PWWP3B: variants seen among roughly 807,000 people sequenced by gnomAD.
PWWP3B encodes PWWP domain containing 3B.
PWWP3B carries 5 observed loss-of-function variants against 15.7 expected under a neutral mutation model. The observed-to-expected ratio is 0.32, with a 90% CI of 0.17 to 0.67. The LOEUF is 0.67. PWWP3B is among the 30% of genes least tolerant of loss of function. PWWP3B has a pLI of 0.74. For missense variants in PWWP3B, 519 were observed against 493.1 expected (o/e 1.05, Z -0.50); for synonymous variants, 203 against 179.8 (o/e 1.13, Z -1.03).
chrX:106,172,983 A>G (rs1024666446), intron 2 of PWWP3B, among the ~76,000 whole-genome samples: 1 of 112,111 alleles, frequency 8.9e-6, no homozygotes, highest in Non-Finnish European at 1.9e-5. Flanking sequence ...GTCGTCATAT[A>G]TGCAGTTTGT....
intron 1 of PWWP3B, among the ~76,000 whole-genome samples, chrX:106,170,365 G>A (rs1215947225): frequency 8.9e-6 from 1 of 111,811 alleles, no homozygotes; most frequent in Non-Finnish European, 1.9e-5. Flanking sequence ...GATGTAGAAA[G>A]ATATATACAA....
chrX:106,177,476 A>T (rs1921961138), intron 2 of PWWP3B: 1 of 112,748 alleles, frequency 8.9e-6, no homozygotes, highest in South Asian at 3.6e-4. Context: ...TGGGAATGGA[A>T]TGGTTTTGTT....
rs367956959 is a variant in PWWP3B at position 106,205,969 on chromosome X, A to T, written c.537A>T (p.Pro179=). The T allele has an allele frequency of 4.6e-5, 56 of 1,208,680 alleles. No individual in the cohort carries two copies. The African/African-American group carries it at 9.6e-4, about 21-fold the overall frequency. Residue 179 remains proline, a synonymous_variant, in exon 4 of 4, where the codon CCA becomes CCT. Transcript: ENST00000357175. ...SQAPTMVDTI[P]SEVETKSLQN... ...CACCCACAATGGTCGATACTATTCC[A>T]AGTGAAGTGGAAACAAAGTCATTAC...
At chrX:106,191,343 G>A (rs1460068405) in intron 2 of PWWP3B, among the ~76,000 whole-genome samples, 2 of 111,172 alleles carry the variant, frequency 1.8e-5, no homozygotes, top group Non-Finnish European at 3.8e-5. Flanking sequence ...TTGGCTCTCT[G>A]TCTGTTATTG....
chrX:106,170,603 G>T (rs1375062318), intron 1 of PWWP3B, among the ~76,000 whole-genome samples: 2 of 111,544 alleles, frequency 1.8e-5, no homozygotes, highest in Admixed American at 1.9e-4. Flanking sequence ...TTTTGTATTA[G>T]CCGACTATGA....
rs1196697220 is a variant in PWWP3B at position 106,208,261 on chromosome X, G to A, written c.*738G>A. 1 of 123,383 alleles carries A rather than the reference G, an allele frequency of 8.1e-6. No individual in the cohort carries two copies. The highest frequency in any genetic ancestry group is 2.8e-4 in the East Asian group (1 of 3,592). 10.2% of individuals were successfully genotyped at this position (123,383 alleles called of 1,213,427 possible). A position where few individuals can be genotyped will look rare whatever the true frequency, so the allele number is the denominator to read the frequency against. ...TTTTTGGGAGTGTCTATCCTTCAAT[G>A]GCTGAATAGTTCCTTAAATCAGACA... is the stretch of plus-strand genomic sequence containing the variant. On this transcript the variant is annotated 3_prime_UTR_variant, in exon 4 of 4. Coordinates refer to ENST00000357175, the MANE Select transcript of PWWP3B (RefSeq NM_001171020.2).
intron 2 of PWWP3B, among the ~76,000 whole-genome samples, chrX:106,176,918 G>T (rs1284748334): frequency 8.9e-6 from 1 of 112,561 alleles, no homozygotes; most frequent in Admixed American, 9.4e-5. Context: ...TTAATTCATT[G>T]CAGTACAAAT....
chrX:106,206,959 T>A lies in PWWP3B; in HGVS notation c.1527T>A (p.Thr509=). The change falls in exon 4 of 4, where the codon ACT becomes ACA. Residue 509 remains threonine (T), a synonymous_variant. Coordinates refer to ENST00000357175, the MANE Select transcript of PWWP3B (RefSeq NM_001171020.2). ...YPVRKETKQD[T]FRNKFPKLHN... is the part of the protein sequence containing the mutation. ...TTAGGAAAGAAACAAAACAGGATACTTTCAGGAACAAATTTCCAAAGCTGC... is the reference window on the plus strand; with the variant it reads ...TTAGGAAAGAAACAAAACAGGATACATTCAGGAACAAATTTCCAAAGCTGC... 1 of 1,211,385 alleles carries A rather than the reference T, an allele frequency of 8.3e-7. No individual in the cohort carries two copies. The highest frequency in any genetic ancestry group is 1.1e-6 in the Non-Finnish European group (1 of 895,327).
chrX:106,175,408 T>A (rs768994424), intron 2 of PWWP3B, among the ~76,000 whole-genome samples: 101 of 108,096 alleles, frequency 9.3e-4, no homozygotes, highest in African/African-American at 3.2e-3. Context: ...CCCCTGCTGA[T>A]TTTTTGTATT....
intron 2 of PWWP3B, among the ~76,000 whole-genome samples, chrX:106,178,254 G>A (rs1327251379): frequency 3.6e-5 from 4 of 111,885 alleles, no homozygotes; most frequent in Non-Finnish European, 5.6e-5. Flanking sequence ...AGTGAGAAAC[G>A]GATAGGATTT....
chrX:106,191,695 A>C (rs1208134563), intron 2 of PWWP3B, among the ~76,000 whole-genome samples: 1 of 111,093 alleles, frequency 9.0e-6, no homozygotes, highest in African/African-American at 3.3e-5. Flanking sequence ...AATAGCTCTT[A>C]TTATTTTGAG....
chrX:106,193,309 C>G (rs1178094595), intron 2 of PWWP3B, among the ~76,000 whole-genome samples: 1 of 111,185 alleles, frequency 9.0e-6, no homozygotes, highest in Non-Finnish European at 1.9e-5. Flanking sequence ...TTCTTTGTCT[C>G]TTTTGATCTT....
chrX:106,202,889 T>C (rs187201204), intron 2 of PWWP3B, among the ~76,000 whole-genome samples: 2 of 112,102 alleles, frequency 1.8e-5, no homozygotes, highest in Admixed American at 1.9e-4. Context: ...AACATATCTA[T>C]GAAAGTTTTA....
intron 2 of PWWP3B, among the ~76,000 whole-genome samples, chrX:106,177,515 T>C (rs1365654166): frequency 8.9e-6 from 1 of 112,847 alleles, no homozygotes; most frequent in Non-Finnish European, 1.9e-5. Flanking sequence ...ACGGAATTAA[T>C]CCTCTGAATT....
intron 2 of PWWP3B, among the ~76,000 whole-genome samples, chrX:106,185,067 A>G (rs1304152981): frequency 1.8e-5 from 2 of 111,938 alleles, no homozygotes; most frequent in Non-Finnish European, 3.8e-5. Flanking sequence ...AAGCTTGGGC[A>G]TAAGGTATTT....
chrX:106,201,047 C>CAA (rs536453025), intron 2 of PWWP3B, among the ~76,000 whole-genome samples: 1 of 82,295 alleles, frequency 1.2e-5, no homozygotes, highest in Non-Finnish European at 2.4e-5. Flanking sequence ...GACTCCGTCT[C>CAA]AAAAAAAAAA....
rs1487740670 is a variant in PWWP3B at position 106,201,054 on chromosome X, AAAAAT to A, written c.-400-2916_-400-2912del. Among the ~76,000 whole-genome samples, 511 of 110,657 alleles carry A rather than the reference AAAAAT, an allele frequency of 4.6e-3. 9 individuals are homozygous for A. Among genetic ancestry groups the A allele is most frequent in the African/African-American group, 0.016 (491 of 30,534 alleles). Reference sequence around the variant, plus strand: ...CAGAGTAAGACTCCGTCTCAAAAAAAAAAATAAAATAAAATAAAAAATAAAAATAA... The same window carrying A: ...CAGAGTAAGACTCCGTCTCAAAAAAAAAAATAAAATAAAAAATAAAAATAA... On this transcript the variant is annotated intron_variant, in intron 2 of 3. Transcript: ENST00000357175.
Position 106,207,377 on chromosome X carries a change from A to G in PWWP3B, c.1945A>G (p.Ile649Val). Reference sequence around the variant, plus strand: ...TCTGCCAGAAGCAATTATTTGTTCAATTTCTGCTGTTGATGGGTTAGATTA... The same window carrying G: ...TCTGCCAGAAGCAATTATTTGTTCAGTTTCTGCTGTTGATGGGTTAGATTA... ...VLLPEAIICSISAVDGLDYEA... is the reference protein window; with the variant it reads ...VLLPEAIICSVSAVDGLDYEA... Residue 649 changes from isoleucine (I) to valine (V), a missense_variant, in exon 4 of 4, where the codon ATT becomes GTT. Coordinates refer to ENST00000357175, the MANE Select transcript of PWWP3B (RefSeq NM_001171020.2). The G allele has an allele frequency of 8.5e-7, 1 of 1,177,391 alleles. No homozygotes were observed. The highest frequency in any genetic ancestry group is 1.1e-6 in the Non-Finnish European group (1 of 877,793).
At position 106,179,095 on chromosome X, in the gene PWWP3B, T is replaced by C. The variant is rs114893445; in HGVS notation, c.-401+7956T>C. 4.8e-3 allele frequency among the ~76,000 whole-genome samples: 536 copies of C among 112,110 alleles called. 5 individuals are homozygous for C. The highest frequency in any genetic ancestry group is 0.017 in the African/African-American group (513 of 30,858). Reference sequence around the variant, plus strand: ...ATATCCTAAATTTTCTCCAGACAACTATTTTTATGAAGTGAGCAAACAAAA... The same window carrying C: ...ATATCCTAAATTTTCTCCAGACAACCATTTTTATGAAGTGAGCAAACAAAA... On this transcript the variant is annotated intron_variant, in intron 2 of 3. Coordinates refer to ENST00000357175, the MANE Select transcript of PWWP3B (RefSeq NM_001171020.2).
Sources: gnomAD v4.1 joint callset for allele counts (sites outside exome capture counted in the v4.1 genomes callset) on GRCh38, gnomAD v4.1.1 for gene constraint, MANE v1.5 for transcripts, NCBI Gene and HGNC (gene_info 2026-07-23, HGNC 2026-07-21) for gene names.